PKIB: variants seen among roughly 807,000 people sequenced by gnomAD.
The protein encoded by PKIB is cAMP-dependent protein kinase inhibitor beta.
A neutral mutation model predicts 4.5 loss-of-function variants in PKIB; 2 were observed. The observed-to-expected ratio is 0.44, with a 90% CI of 0.18 to 1.39. The LOEUF (loss-of-function observed/expected upper bound fraction) is 1.39. Ranked by LOEUF, PKIB falls within the 40% of genes most tolerant of loss-of-function variation. The pLI is 0.27. For synonymous variants in PKIB, 38 were observed against 36.0 expected (o/e 1.06, Z -0.20); for missense variants, 94 against 92.6 (o/e 1.02, Z -0.06).
rs146112513 is a variant in PKIB at position 122,538,115 on chromosome 6, C to T, written c.-247-47806C>T. Among the ~76,000 whole-genome samples, 334 of 151,888 alleles carry T rather than the reference C, an allele frequency of 2.2e-3. 7 individuals carry two copies. The East Asian group carries it at 0.044, about 20-fold the overall frequency. On this transcript the variant is annotated intron_variant, in intron 2 of 6. Coordinates refer to the PKIB transcript ENST00000392491. ...ATGAGTAGGTTGTGAAAATTTTCTT[C>T]CATTCTGTAGGTTACCTGTTCACTC...
At chr6:122,687,122 T>A (rs1778126030) in intron 3 of PKIB, among the ~76,000 whole-genome samples, 1 of 152,204 alleles carries the variant, frequency 6.6e-6, no homozygotes, top group Non-Finnish European at 1.5e-5. Flanking sequence ...AGTCTTTAAT[T>A]CATTTTGGTT....
rs557770221 is a variant in PKIB at position 122,544,741 on chromosome 6, G to A, written c.-247-41180G>A. Among the ~76,000 whole-genome samples the A allele has an allele frequency of 8.5e-5, 13 of 152,102 alleles. No homozygotes were observed. In the South Asian group the frequency reaches 2.1e-3, roughly 24 times the overall value. ...ATGGGAGAAAATATTTGCAAACTAT[G>A]TATCTGTCAATGGTCTAATATCCAG... On this transcript the variant is annotated intron_variant, in intron 2 of 6. Transcript: ENST00000392491.
chr6:122,687,807 G>A (rs1778152723), intron 3 of PKIB, among the ~76,000 whole-genome samples: 1 of 151,990 alleles, frequency 6.6e-6, no homozygotes, highest in South Asian at 2.1e-4. Context: ...TGTTGATTTT[G>A]CATCCTGATA....
intron 3 of PKIB, among the ~76,000 whole-genome samples, chr6:122,708,163 C>T (rs1779136758): frequency 6.6e-6 from 1 of 152,108 alleles, no homozygotes; most frequent in Admixed American, 6.6e-5. Context: ...AATGCGAATA[C>T]ATTTTCAAAG....
At chr6:122,490,705 T>C (rs9401549) in intron 2 of PKIB, among the ~76,000 whole-genome samples, 21,191 of 152,190 alleles carry the variant, frequency 0.14, 1,574 homozygotes, top group East Asian at 0.26. Context: ...CAGCACTATG[T>C]TTCGTGTACA....
At chr6:122,532,158 C>A (rs1777277195) in intron 2 of PKIB, among the ~76,000 whole-genome samples, 1 of 152,160 alleles carries the variant, frequency 6.6e-6, no homozygotes, top group South Asian at 2.1e-4. Context: ...CCTTAAATTG[C>A]AGATAACAAT....
chr6:122,496,057 G>A (rs1039082482), intron 2 of PKIB, among the ~76,000 whole-genome samples: 5 of 152,132 alleles, frequency 3.3e-5, no homozygotes, highest in Non-Finnish European at 7.4e-5. Flanking sequence ...AAAGCTCAGG[G>A]CACCAGGTAC....
chr6:122,700,411 A>G (rs1250731135), intron 3 of PKIB, among the ~76,000 whole-genome samples: 4 of 151,906 alleles, frequency 2.6e-5, no homozygotes, highest in Non-Finnish European at 5.9e-5. Flanking sequence ...CCCCCACAGC[A>G]ATGGTTGCTT....
chr6:122,639,812 T>C (rs1228535609), intron 2 of PKIB, among the ~76,000 whole-genome samples: 1 of 152,238 alleles, frequency 6.6e-6, no homozygotes, highest in Non-Finnish European at 1.5e-5. Flanking sequence ...CTACCTGTGA[T>C]AACTGAGTTG....
chr6:122,500,651 T>C (rs1776204268), intron 2 of PKIB, among the ~76,000 whole-genome samples: 1 of 152,188 alleles, frequency 6.6e-6, no homozygotes, highest in Admixed American at 6.5e-5. Context: ...CAAGTAGGCA[T>C]TGCATTTTCT....
At chr6:122,654,594 A>G (rs911428860) in intron 2 of PKIB, among the ~76,000 whole-genome samples, 7 of 152,208 alleles carry the variant, frequency 4.6e-5, no homozygotes, top group Non-Finnish European at 1.0e-4. Context: ...AGGACCATAA[A>G]TATCGGTCAA....
chr6:122,631,706 A>AATCAC (rs1775711492), intron 1 of PKIB, among the ~76,000 whole-genome samples: 1 of 152,180 alleles, frequency 6.6e-6, no homozygotes, highest in Non-Finnish European at 1.5e-5. Flanking sequence ...GACTCCTCAA[A>AATCAC]ATCACCAGCT....
At chr6:122,717,985 C>A (rs779001899) in intron 4 of PKIB, 22 bp downstream of exon 4, 3 of 1,603,072 alleles carry the variant, frequency 1.9e-6, no homozygotes, top group South Asian at 1.1e-5. Flanking sequence ...AATCCTCTTA[C>A]AATTAACAGC....
chr6:122,577,826 G>A (rs775209474), intron 2 of PKIB, among the ~76,000 whole-genome samples: 2 of 151,114 alleles, frequency 1.3e-5, no homozygotes, highest in African/African-American at 2.4e-5. Flanking sequence ...GGAGAATGGC[G>A]TGAACCCGGG....
chr6:122,577,548 A>G (rs138947368), intron 2 of PKIB, among the ~76,000 whole-genome samples: 33 of 152,292 alleles, frequency 2.2e-4, no homozygotes, highest in African/African-American at 6.0e-4. Context: ...TCCATGAAAA[A>G]AAGAAATACA....
chr6:122,678,704 A>C (rs796232766), intron 3 of PKIB, among the ~76,000 whole-genome samples: 3 of 152,322 alleles, frequency 2.0e-5, no homozygotes, highest in African/African-American at 7.2e-5. Context: ...AAATGAGATA[A>C]GTATGAAAAT....
chr6:122,652,328 GTGTGTGGA>G (rs201645414), intron 2 of PKIB, among the ~76,000 whole-genome samples: 15,817 of 83,802 alleles, frequency 0.19, 1,007 homozygotes, highest in South Asian at 0.45. Context: ...GTGTGTGTGT[GTGTGTGGA>G]GAGAGAGAGA....
At chr6:122,630,096 T>A (rs1345944204) in intron 1 of PKIB, among the ~76,000 whole-genome samples, 1 of 152,176 alleles carries the variant, frequency 6.6e-6, no homozygotes, top group Non-Finnish European at 1.5e-5. Flanking sequence ...TTCAAATTTT[T>A]TTTTGTAAAT....
chr6:122,674,964 C>G (rs1777613804), intron 2 of PKIB, 114 bp from the exon 3 acceptor site: 1 of 151,866 alleles, frequency 6.6e-6, no homozygotes, highest in South Asian at 2.1e-4. Context: ...TCAGGCAAGT[C>G]ATGATGTTTA....
Sources: gnomAD v4.1 joint callset for allele counts (sites outside exome capture counted in the v4.1 genomes callset) on GRCh38, gnomAD v4.1.1 for gene constraint, MANE v1.5 for transcripts, NCBI Gene and HGNC (gene_info 2026-07-23, HGNC 2026-07-21) for gene names.